The following GREB1 variants were observed in gnomAD, a reference collection of about 807,000 sequenced individuals.
GREB1 encodes the protein growth regulating estrogen receptor binding 1.
Under a neutral mutation model 200.7 loss-of-function variants are expected in GREB1, and 106 were observed. The observed-to-expected ratio is 0.53, with a 90% CI of 0.45 to 0.62. The LOEUF (loss-of-function observed/expected upper bound fraction) is 0.62. GREB1 is among the 20% of genes least tolerant of loss of function. The pLI is 0.00. For missense variants in GREB1, 2,243 were observed against 2,556.8 expected (o/e 0.88, Z 2.65); for synonymous variants, 1,132 against 1,092.4 (o/e 1.04, Z -0.72).
chr2:11,612,585 G>A lies in GREB1; in HGVS notation c.3097G>A (p.Asp1033Asn). 1.2e-6 allele frequency: 2 copies of A among 1,611,776 alleles called. No homozygotes were observed. Among genetic ancestry groups the A allele is most frequent in the Non-Finnish European group, 1.7e-6 (2 of 1,179,240 alleles). ...LPCILIFSGM[D>N]PHGESLPRSL... ...TTGCATCCTGATCTTCAGTGGGATG[G>A]ACCCGCATGGGGAGTCCTTGCCGAG... The change falls in exon 19 of 33, where the codon GAC (aspartate) becomes AAC (asparagine). Residue 1033 changes from aspartate to asparagine, a missense_variant. Transcript: ENST00000381486.
chr2:11,619,040 G>C (rs1037221150), intron 22 of GREB1, 121 bp downstream of exon 22: 15 of 1,008,486 alleles, frequency 1.5e-5, no homozygotes, highest in Non-Finnish European at 1.5e-5. Flanking sequence ...TCCCGTGGTG[G>C]AATCTTCTCC....
At chr2:11,607,741 A>C (rs1262140107) in intron 17 of GREB1, among the ~76,000 whole-genome samples, 1 of 151,966 alleles carries the variant, frequency 6.6e-6, no homozygotes, top group African/African-American at 2.4e-5. Flanking sequence ...TTGATGATAC[A>C]TAGTTACTGT....
At chr2:11,542,332 G>A (rs1426777595) in intron 1 of GREB1, among the ~76,000 whole-genome samples, 2 of 152,178 alleles carry the variant, frequency 1.3e-5, no homozygotes, top group African/African-American at 2.4e-5. Flanking sequence ...AGACCCCGAA[G>A]GCCCCCGGCT....
At chr2:11,623,268 A>C (rs1684156389) in intron 23 of GREB1, among the ~76,000 whole-genome samples, 1 of 152,260 alleles carries the variant, frequency 6.6e-6, no homozygotes, top group Admixed American at 6.5e-5. Flanking sequence ...TCAACAGTCT[A>C]GCACATGCAA....
intron 17 of GREB1, among the ~76,000 whole-genome samples, chr2:11,603,262 GCAAAATGCCACTGAA>G (rs1299637523): frequency 1.3e-5 from 2 of 152,214 alleles, no homozygotes; most frequent in Non-Finnish European, 2.9e-5. Context: ...CTAATGCAAA[GCAAAATGCCACTGAA>G]CAAAATACCA....
intron 1 of GREB1, among the ~76,000 whole-genome samples, chr2:11,484,334 T>G (rs544196468): frequency 6.6e-6 from 1 of 152,326 alleles, no homozygotes; most frequent in African/African-American, 2.4e-5. Flanking sequence ...ACAGGTCTTT[T>G]TTCATGCCAA....
In GREB1 at chr2:11,631,642, A is replaced by G. The variant is rs375687000; in HGVS notation, c.4612-267A>G. Among the ~76,000 whole-genome samples, 260 of 152,238 alleles carry G rather than the reference A, an allele frequency of 1.7e-3. 2 individuals carry two copies. Among genetic ancestry groups the G allele is most frequent in the African/African-American group, 5.6e-3 (232 of 41,532 alleles). On this transcript the variant is annotated intron_variant, in intron 26 of 32. Coordinates refer to ENST00000381486, the MANE Select transcript of GREB1 (RefSeq NM_014668.4). ...TCAGCTCTCCTCCATGTGGTCTCTC[A>G]TCGTCCAGCAGGCTAGCCCGGGCTT...
intron 9 of GREB1, among the ~76,000 whole-genome samples, chr2:11,586,999 G>A (rs1216273042): frequency 6.6e-6 from 1 of 152,192 alleles, no homozygotes; most frequent in South Asian, 2.1e-4. Context: ...TGCAGGGCTT[G>A]GAGGTGCAGG....
intron 1 of GREB1, among the ~76,000 whole-genome samples, chr2:11,490,848 C>G (rs1204879887): frequency 6.6e-6 from 1 of 152,224 alleles, no homozygotes; most frequent in Non-Finnish European, 1.5e-5. Context: ...CACACCCGGC[C>G]TTGGAAATGT....
chr2:11,564,318 G>A (rs1284992183), intron 3 of GREB1, among the ~76,000 whole-genome samples: 1 of 149,890 alleles, frequency 6.7e-6, no homozygotes, highest in Admixed American at 6.6e-5. Context: ...AGGCAATATG[G>A]TGGCTCTTAG....
chr2:11,541,447 G>C (rs567165660), intron 1 of GREB1, among the ~76,000 whole-genome samples: 13 of 138,506 alleles, frequency 9.4e-5, no homozygotes, highest in Admixed American at 8.8e-4. Context: ...GCAAGTGAGA[G>C]GGGGGCCATG....
chr2:11,501,897 T>G lies in GREB1; in HGVS notation c.-159+19516T>G, dbSNP rs1375273887. 9.1e-5 allele frequency among the ~76,000 whole-genome samples: 4 copies of G among 43,968 alleles called. No individual in the cohort carries two copies. The East Asian group carries it at 2.6e-3, about 29-fold the overall frequency. The allele number at this position is 43,968 out of a possible 152,430, so 28.8% of individuals were successfully genotyped here. Reference sequence around the variant, plus strand: ...ACTTATTAGAGCCTGGATTTCCTGTTTTTTTTTGTTTTTTTTTTTTTTTTT... The same window carrying G: ...ACTTATTAGAGCCTGGATTTCCTGTGTTTTTTTGTTTTTTTTTTTTTTTTT... On this transcript the variant is annotated intron_variant, in intron 1 of 2. Transcript: ENST00000628795.
At chr2:11,542,884 T>A (rs1674897155) in intron 1 of GREB1, 1 of 152,568 alleles carries the variant, frequency 6.6e-6, no homozygotes, top group Non-Finnish European at 1.5e-5. Context: ...CTAACAGCGG[T>A]GGCATCCCAG....
At chr2:11,632,844 G>A (rs936476117) in intron 27 of GREB1, 45 bp from the exon 28 acceptor site, 1 of 1,568,242 alleles carries the variant, frequency 6.4e-7, no homozygotes, top group Non-Finnish European at 8.7e-7. Context: ...TGCTGTGGGT[G>A]TGGGTGCAGG....
upstream of GREB1, among the ~76,000 whole-genome samples, chr2:11,531,333 C>A (rs73917247): frequency 7.1e-3 from 1,078 of 152,218 alleles, 20 homozygotes; most frequent in African/African-American, 0.025. Flanking sequence ...TAGGCAGAGC[C>A]AGGTTGGTGC....
chr2:11,546,906 G>C (rs1295680936), intron 1 of GREB1, among the ~76,000 whole-genome samples: 1 of 151,802 alleles, frequency 6.6e-6, no homozygotes, highest in Admixed American at 6.6e-5. Flanking sequence ...CTCTGAAAGT[G>C]AGGATGTCTG....
Position 11,640,420 on chromosome 2 carries a change from G to A in GREB1, c.5816G>A (p.Arg1939Gln), listed in dbSNP as rs750656652. ...EFQTANARED[R>Q]PLFFLTGRHI ...CAGACCGCCAATGCCAGGGAAGACC[G>A]GCCGCTCTTTTTTCTGACGGGACGA... Residue 1939 changes from arginine to glutamine, a missense_variant, in exon 33 of 33, where the codon CGG becomes CAG. Around this residue, in one of 3 missense-constraint regions of GREB1, gnomAD observed 478 missense variants for 616.3 expected, o/e 0.78. Coordinates refer to ENST00000381486, the MANE Select transcript of GREB1 (RefSeq NM_014668.4). This position sits in a 1 kb window ranked among gnomAD's most constrained non-coding sequence, Gnocchi z 4.6. 6 of 1,614,196 alleles carry A rather than the reference G, an allele frequency of 3.7e-6. No individual in the cohort carries two copies. The highest frequency in any genetic ancestry group is 4.2e-6 in the Non-Finnish European group (5 of 1,180,036).
intron 1 of GREB1, among the ~76,000 whole-genome samples, chr2:11,545,468 A>G (rs1050466594): frequency 5.3e-5 from 8 of 152,184 alleles, no homozygotes; most frequent in Admixed American, 2.0e-4. Flanking sequence ...CCTTTTGGCA[A>G]AGCACCATGA....
chr2:11,578,031 A>G (rs918488919), intron 5 of GREB1, among the ~76,000 whole-genome samples: 1 of 152,148 alleles, frequency 6.6e-6, no homozygotes, highest in African/African-American at 2.4e-5. Flanking sequence ...AGGGTGACTT[A>G]TTTGTGTAAT....
Sources: gnomAD v4.1 joint callset for allele counts (sites outside exome capture counted in the v4.1 genomes callset) on GRCh38, gnomAD v4.1.1 for gene constraint, gnomAD v4.1.1 regional missense constraint, Gnocchi (gnomAD v3.1) non-coding constraint, MANE v1.5 for transcripts, NCBI Gene and HGNC (gene_info 2026-07-23, HGNC 2026-07-21) for gene names.